The following KIF26B variants were observed in gnomAD, a reference collection of about 807,000 sequenced individuals.
KIF26B encodes the protein kinesin-like protein KIF26B.
In KIF26B, 63 loss-of-function variants were observed where a neutral mutation model predicts 151.2. The ratio of observed to expected loss-of-function variants is 0.42; its 90% CI spans 0.34 to 0.51. KIF26B has a LOEUF of 0.51. Ranked by LOEUF, KIF26B falls within the 20% of genes least tolerant of loss-of-function variation. The probability of loss-of-function intolerance (pLI) is 0.07; values close to 1 mark genes in which losing one functional copy is unlikely to be tolerated. For missense variants in KIF26B, 2,813 were observed against 2,913.6 expected, an observed-to-expected ratio of 0.97 and a Z score of 0.79; for synonymous variants, 1,357 against 1,262.1, an observed-to-expected ratio of 1.08 and a Z score of -1.59.
intron 4 of KIF26B, among the ~76,000 whole-genome samples, chr1:245,520,216 A>G (rs971859167): frequency 2.6e-5 from 4 of 151,906 alleles, no homozygotes; most frequent in Non-Finnish European, 5.9e-5. Flanking sequence ...AAATAATCGA[A>G]TCAAATTGAC....
At chr1:245,349,889 A>T (rs913982406) in intron 2 of KIF26B, among the ~76,000 whole-genome samples, 5 of 152,172 alleles carry the variant, frequency 3.3e-5, no homozygotes, top group Non-Finnish European at 7.3e-5. Context: ...GTCCTTTGAG[A>T]ACAGGCTTTT....
chr1:245,321,876 C>T (rs1310053083), intron 2 of KIF26B, among the ~76,000 whole-genome samples: 1 of 152,178 alleles, frequency 6.6e-6, no homozygotes, highest in African/African-American at 2.4e-5. Flanking sequence ...CACCTTGGAG[C>T]TCACCTTTAA....
intron 4 of KIF26B, among the ~76,000 whole-genome samples, chr1:245,520,471 C>T (rs1661067038): frequency 1.3e-5 from 2 of 152,162 alleles, no homozygotes; most frequent in Non-Finnish European, 2.9e-5. Context: ...GTGTTGTCAT[C>T]ATTAAGAAGT....
chr1:245,207,078 A>G (rs549195362), intron 2 of KIF26B, among the ~76,000 whole-genome samples: 1 of 152,330 alleles, frequency 6.6e-6, no homozygotes, highest in South Asian at 2.1e-4. Context: ...CTAGCAAGGT[A>G]CTTGGCAGAG....
chr1:245,570,787 G>A (rs925853889), intron 5 of KIF26B, among the ~76,000 whole-genome samples: 26 of 152,160 alleles, frequency 1.7e-4, no homozygotes, highest in African/African-American at 5.1e-4. Context: ...ACATAAGGTC[G>A]CAAAAGTCAG....
rs1441459212 is a variant in KIF26B, at chr1:245,495,696, C to T, written c.1167-45071C>T. 6.6e-6 allele frequency among the ~76,000 whole-genome samples: 1 copy of T among 152,174 alleles called. No homozygotes were observed. The highest frequency in any genetic ancestry group is 1.5e-5 in the Non-Finnish European group (1 of 68,040). ...TCAGCCTCTAACACCTAAAATTCTACTTCAAAATGTGATTTAAGAAGCCCT... is the reference window on the plus strand; with the variant it reads ...TCAGCCTCTAACACCTAAAATTCTATTTCAAAATGTGATTTAAGAAGCCCT... On this transcript the variant is annotated intron_variant, in intron 4 of 14. Coordinates refer to ENST00000407071, the MANE Select transcript of KIF26B (RefSeq NM_018012.4). The surrounding 1 kb of genome is among the most constrained non-coding windows in gnomAD (Gnocchi z 4.2).
At chr1:245,224,631 A>AT (rs1181336300) in intron 2 of KIF26B, among the ~76,000 whole-genome samples, 1 of 152,206 alleles carries the variant, frequency 6.6e-6, no homozygotes, top group African/African-American at 2.4e-5. Context: ...ATAACTAACA[A>AT]TTTTTCTGAC....
In KIF26B at chr1:245,317,721, C is replaced by T. The variant is rs537682578; in HGVS notation, c.466-49113C>T. On this transcript the variant is annotated intron_variant, in intron 2 of 14. Coordinates refer to ENST00000407071, the MANE Select transcript of KIF26B (RefSeq NM_018012.4). Reference sequence around the variant, plus strand: ...TCCGGTCCCTCTCCCCCAGCTCCTGCACACCCTGATGCTGGACCAAGGGGC... The same window carrying T: ...TCCGGTCCCTCTCCCCCAGCTCCTGTACACCCTGATGCTGGACCAAGGGGC... 5.3e-5 allele frequency among the ~76,000 whole-genome samples: 8 copies of T among 152,342 alleles called. No homozygotes were observed. In the East Asian group the frequency reaches 9.6e-4, roughly 18 times the overall value.
intron 1 of KIF26B, 68 bp from the exon 2 acceptor site, chr1:245,156,214 T>A (rs1668428573): frequency 2.0e-6 from 3 of 1,508,476 alleles, no homozygotes; most frequent in East Asian, 5.0e-5. Flanking sequence ...GGCGCACGTA[T>A]GACCCAGCTC....
chr1:245,578,630 T>C (rs1389760400), intron 5 of KIF26B, among the ~76,000 whole-genome samples: 3 of 152,258 alleles, frequency 2.0e-5, no homozygotes, highest in Non-Finnish European at 2.9e-5. Flanking sequence ...GAAGCTTTCC[T>C]GCTGGGCCTA....
At chr1:245,400,960 G>A (rs1673985756) in intron 3 of KIF26B, among the ~76,000 whole-genome samples, 1 of 152,150 alleles carries the variant, frequency 6.6e-6, no homozygotes, top group Non-Finnish European at 1.5e-5. Flanking sequence ...TTACGGAAGG[G>A]AAAGCTGAAT....
chr1:245,243,603 A>G (rs1193204817), intron 2 of KIF26B, among the ~76,000 whole-genome samples: 1 of 152,148 alleles, frequency 6.6e-6, no homozygotes, highest in African/African-American at 2.4e-5. Flanking sequence ...TAACTTCAAT[A>G]AAGCCAAATT....
intron 10 of KIF26B, among the ~76,000 whole-genome samples, chr1:245,659,887 G>GAA (rs201409105): frequency 3.8e-5 from 5 of 130,530 alleles, no homozygotes; most frequent in South Asian, 2.3e-4. Flanking sequence ...AAAAATACAA[G>GAA]AAAAAAAAAA....
intron 5 of KIF26B, among the ~76,000 whole-genome samples, chr1:245,579,187 C>G (rs1267507623): frequency 1.3e-5 from 2 of 152,146 alleles, no homozygotes. Context: ...ATTCTGTGAG[C>G]TATATTTCAT....
At position 245,190,761 on chromosome 1, in the gene KIF26B, A is replaced by G. The variant is rs142997645; in HGVS notation, c.465+34078A>G. ...AGGCTTATGATGCCTCAGTCTCCCTATAAGAGATAAGAACCAGGCTGGGCG... is the reference window on the plus strand; with the variant it reads ...AGGCTTATGATGCCTCAGTCTCCCTGTAAGAGATAAGAACCAGGCTGGGCG... On this transcript the variant is annotated intron_variant, in intron 2 of 14. Transcript: ENST00000407071. Among the ~76,000 whole-genome samples, 125 of 151,212 alleles carry G rather than the reference A, an allele frequency of 8.3e-4. 5 individuals are homozygous for G. The East Asian group carries it at 9.4e-3, about 11-fold the overall frequency.
chr1:245,334,786 C>T (rs1309551125), intron 2 of KIF26B, among the ~76,000 whole-genome samples: 3 of 152,182 alleles, frequency 2.0e-5, no homozygotes, highest in Non-Finnish European at 4.4e-5. Flanking sequence ...TGTCTACCTC[C>T]GTCAAGTACT....
At chr1:245,580,868 T>C (rs573391356) in intron 5 of KIF26B, among the ~76,000 whole-genome samples, 1 of 152,378 alleles carries the variant, frequency 6.6e-6, no homozygotes, top group South Asian at 2.1e-4. Flanking sequence ...TTCCTCGTTC[T>C]GCCCATGCTG....
At chr1:245,538,686 C>G (rs1661537021) in intron 4 of KIF26B, among the ~76,000 whole-genome samples, 1 of 152,148 alleles carries the variant, frequency 6.6e-6, no homozygotes, top group Admixed American at 6.5e-5. Flanking sequence ...TAGCCATTGC[C>G]TGGTCCTTTT....
Position 245,320,957 on chromosome 1 carries a change from C to T in KIF26B, c.466-45877C>T, listed in dbSNP as rs559093391. On this transcript the variant is annotated intron_variant, in intron 2 of 14. Coordinates refer to ENST00000407071, the MANE Select transcript of KIF26B (RefSeq NM_018012.4). ...CCTCCCAAAGTGCTGGGATTACAGG[C>T]GTAAGCCACCGTACCTGGCCTGTGT... Among the ~76,000 whole-genome samples the T allele has an allele frequency of 5.9e-5, 9 of 152,274 alleles. No homozygotes were observed. In the East Asian group the frequency reaches 1.4e-3, roughly 23 times the overall value.
Sources: allele counts gnomAD v4.1 joint callset (sites outside exome capture counted in the v4.1 genomes callset), GRCh38; gene constraint gnomAD v4.1.1; non-coding constraint Gnocchi (gnomAD v3.1); transcripts MANE v1.5; gene names NCBI Gene and HGNC (gene_info 2026-07-23, HGNC 2026-07-21).